ADGRB3: variants seen among roughly 807,000 people sequenced by gnomAD.
ADGRB3 encodes brain-specific angiogenesis inhibitor 3.
Under a neutral mutation model 193.4 loss-of-function variants are expected in ADGRB3, and 37 were observed. That is an observed-to-expected ratio of 0.19 (90% CI 0.15 to 0.25). ADGRB3 has a LOEUF of 0.25. Among genes scored for constraint, ADGRB3 ranks in the 10% least tolerant of loss-of-function variants. The pLI, the probability that ADGRB3 is intolerant of heterozygous loss-of-function variation, is 1.00. For missense variants in ADGRB3, 1,637 were observed against 1,852.9 expected (o/e 0.88, Z 2.14); for synonymous variants, 690 against 644.2 (o/e 1.07, Z -1.08).
intron 26 of ADGRB3, among the ~76,000 whole-genome samples, chr6:69,353,072 G>A (rs1444217661): frequency 1.3e-5 from 2 of 152,190 alleles, no homozygotes; most frequent in African/African-American, 4.8e-5. Context: ...TTGGAAAGAT[G>A]TCCATCAACA....
At chr6:68,970,093 C>T (rs1768515679) in intron 8 of ADGRB3, among the ~76,000 whole-genome samples, 1 of 152,136 alleles carries the variant, frequency 6.6e-6, no homozygotes, top group Admixed American at 6.6e-5. Flanking sequence ...TATTGTACCG[C>T]ACACTGCCAG....
At chr6:68,751,390 C>T (rs1401873502) in intron 3 of ADGRB3, among the ~76,000 whole-genome samples, 1 of 152,118 alleles carries the variant, frequency 6.6e-6, no homozygotes, top group African/African-American at 2.4e-5. Flanking sequence ...GCTGAGTCCA[C>T]ACAGAGGAAA....
intron 3 of ADGRB3, among the ~76,000 whole-genome samples, chr6:68,644,080 T>C (rs2127277116): frequency 6.6e-6 from 1 of 151,784 alleles, no homozygotes; most frequent in East Asian, 1.9e-4. Flanking sequence ...TTAGTAAATA[T>C]TGGTTGAAAT....
intron 17 of ADGRB3, among the ~76,000 whole-genome samples, chr6:69,104,923 A>T (rs1773168107): frequency 6.6e-6 from 1 of 152,076 alleles, no homozygotes; most frequent in African/African-American, 2.4e-5. Flanking sequence ...TGATTGGGAG[A>T]CACCGGATAT....
chr6:69,086,265 A>G (rs147634765), intron 17 of ADGRB3, among the ~76,000 whole-genome samples: 1 of 152,272 alleles, frequency 6.6e-6, no homozygotes, highest in East Asian at 1.9e-4. Context: ...TATTGCCACT[A>G]TATAGTATAT....
intron 17 of ADGRB3, among the ~76,000 whole-genome samples, chr6:69,131,642 A>T (rs187462011): frequency 3.8e-4 from 57 of 152,000 alleles, no homozygotes; most frequent in East Asian, 1.2e-3. Flanking sequence ...TTTTTTTAAT[A>T]ATACTTTAAG....
intron 20 of ADGRB3, among the ~76,000 whole-genome samples, chr6:69,268,496 C>CT (rs995062243): frequency 6.6e-6 from 1 of 152,056 alleles, no homozygotes; most frequent in African/African-American, 2.4e-5. Flanking sequence ...ACAAGATGAC[C>CT]TCTCTAACAT....
chr6:68,966,901 G>C (rs578172677), intron 8 of ADGRB3, among the ~76,000 whole-genome samples: 1 of 152,306 alleles, frequency 6.6e-6, no homozygotes, highest in Admixed American at 6.5e-5. Flanking sequence ...AATTCATAAA[G>C]ATGAGATGGC....
intron 19 of ADGRB3, 67 bp downstream of exon 19, chr6:69,235,202 A>G (rs1288073781): frequency 1.6e-5 from 19 of 1,197,128 alleles, no homozygotes; most frequent in Non-Finnish European, 2.3e-5. Flanking sequence ...AAGGAATGTG[A>G]TAATTATTAA....
At chr6:68,763,324 A>T (rs1229097301) in intron 3 of ADGRB3, among the ~76,000 whole-genome samples, 1 of 152,168 alleles carries the variant, frequency 6.6e-6, no homozygotes, top group Non-Finnish European at 1.5e-5. Flanking sequence ...TCCTGACCTC[A>T]GGTGATCCGC....
chr6:69,107,291 G>A (rs1375199970), intron 17 of ADGRB3, among the ~76,000 whole-genome samples: 1 of 152,094 alleles, frequency 6.6e-6, no homozygotes, highest in Non-Finnish European at 1.5e-5. Flanking sequence ...TCTTAAAATT[G>A]AAGTTTTTGT....
intron 3 of ADGRB3, among the ~76,000 whole-genome samples, chr6:68,773,182 T>G (rs564325898): frequency 1.3e-5 from 2 of 151,820 alleles, no homozygotes; most frequent in Non-Finnish European, 2.9e-5. Flanking sequence ...AACTTATAGG[T>G]TCAATATTAC....
intron 31 of ADGRB3, among the ~76,000 whole-genome samples, chr6:69,384,433 C>T (rs78787732): frequency 1.3e-3 from 204 of 151,932 alleles, no homozygotes; most frequent in African/African-American, 4.4e-3. Context: ...CTACTCATTT[C>T]GAAATATTGA....
intron 13 of ADGRB3, among the ~76,000 whole-genome samples, chr6:69,034,733 T>A (rs915106386): frequency 6.6e-6 from 1 of 151,412 alleles, no homozygotes. Context: ...AGGGATAGTT[T>A]AATAATGAGA....
At chr6:69,241,761 TGTAGTTTTGCAACCAAA>T (rs1766388751) in intron 20 of ADGRB3, among the ~76,000 whole-genome samples, 1 of 152,008 alleles carries the variant, frequency 6.6e-6, no homozygotes, top group Non-Finnish European at 1.5e-5. Context: ...ATAGCTTCTA[TGTAGTTTTGCAACCAAA>T]GTGGTTTTGT....
chr6:69,017,850 G>A (rs1360157716), intron 12 of ADGRB3, among the ~76,000 whole-genome samples: 2 of 151,796 alleles, frequency 1.3e-5, no homozygotes, highest in African/African-American at 4.8e-5. Flanking sequence ...ACATGCACTA[G>A]GGCTATTAAT....
chr6:68,898,603 C>T (rs1010104994), intron 3 of ADGRB3, among the ~76,000 whole-genome samples: 4 of 152,076 alleles, frequency 2.6e-5, no homozygotes, highest in Admixed American at 6.6e-5. Context: ...CTCCCCAACC[C>T]TTAGACATGG....
intron 23 of ADGRB3, among the ~76,000 whole-genome samples, chr6:69,331,112 C>T (rs1456014038): frequency 6.6e-6 from 1 of 152,098 alleles, no homozygotes; most frequent in Non-Finnish European, 1.5e-5. Flanking sequence ...ACCAGTAGTA[C>T]CCCCTAGTCA....
chr6:68,952,477 C>G lies in ADGRB3; in HGVS notation c.1196-3547C>G, dbSNP rs187723661. On this transcript the variant is annotated intron_variant, in intron 6 of 31. Transcript: ENST00000370598. ...TTATCTATTTTCTCAATGATTTGGA[C>G]TTGACACACTAAAGAAATATTAGGC... Among the ~76,000 whole-genome samples the G allele has an allele frequency of 2.6e-5, 4 of 152,076 alleles. No homozygotes were observed. In the East Asian group the frequency reaches 7.7e-4, roughly 29 times the overall value.
Sources: gnomAD v4.1 joint callset for allele counts (sites outside exome capture counted in the v4.1 genomes callset) on GRCh38, gnomAD v4.1.1 for gene constraint, MANE v1.5 for transcripts, NCBI Gene and HGNC (gene_info 2026-07-23, HGNC 2026-07-21) for gene names.